Variants in KCNQ3 observed in about 807,000 individuals in gnomAD.
The protein encoded by KCNQ3 is potassium voltage-gated channel subfamily KQT member 3.
Under a neutral mutation model 92.5 loss-of-function variants are expected in KCNQ3, and 30 were observed. That is an observed-to-expected ratio of 0.32 (90% CI 0.24 to 0.44). KCNQ3 has a LOEUF of 0.44. Among genes scored for constraint, KCNQ3 ranks in the 20% least tolerant of loss-of-function variants. The probability of loss-of-function intolerance (pLI) is 1.00; values close to 1 mark genes in which losing one functional copy is unlikely to be tolerated. For synonymous variants in KCNQ3, 450 were observed against 468.8 expected, an observed-to-expected ratio of 0.96 and a Z score of 0.52; for missense variants, 913 against 1,140.3, an observed-to-expected ratio of 0.80 and a Z score of 2.87.
At chr8:132,268,506 G>C (rs1249320324) in intron 1 of KCNQ3, among the ~76,000 whole-genome samples, 3 of 152,106 alleles carry the variant, frequency 2.0e-5, no homozygotes, top group Non-Finnish European at 2.9e-5. Context: ...TAATCTGCCT[G>C]CCTCGGTCTC....
chr8:132,312,264 TGGCAGA>T (rs1463163579), intron 1 of KCNQ3, among the ~76,000 whole-genome samples: 3 of 152,250 alleles, frequency 2.0e-5, no homozygotes, highest in African/African-American at 2.4e-5. Context: ...TCTACTGCAC[TGGCAGA>T]GGCCCAGGGT....
intron 8 of KCNQ3, 30 bp downstream of exon 8, chr8:132,170,304 C>G: frequency 6.6e-7 from 1 of 1,514,290 alleles, no homozygotes; most frequent in Non-Finnish European, 9.2e-7. Context: ...GCTGGTCACG[C>G]CCTGAGCATT....
chr8:132,406,948 G>A (rs1820500836), intron 1 of KCNQ3, among the ~76,000 whole-genome samples: 1 of 152,228 alleles, frequency 6.6e-6, no homozygotes, highest in Admixed American at 6.5e-5. Flanking sequence ...GGAAAGTGAA[G>A]AAGTGGAGGG....
At chr8:132,433,732 G>A (rs904275483) in intron 1 of KCNQ3, among the ~76,000 whole-genome samples, 11 of 151,270 alleles carry the variant, frequency 7.3e-5, no homozygotes, top group Admixed American at 4.6e-4. Context: ...TCTACTAAAA[G>A]TACCAAAATT....
chr8:132,440,738 C>A (rs539193984), intron 1 of KCNQ3, among the ~76,000 whole-genome samples: 1 of 152,166 alleles, frequency 6.6e-6, no homozygotes, highest in African/African-American at 2.4e-5. Context: ...GGTTACTAAC[C>A]CCTTGAAGTC....
intron 9 of KCNQ3, among the ~76,000 whole-genome samples, chr8:132,153,736 C>A (rs1825706414): frequency 6.6e-5 from 2 of 30,082 alleles, no homozygotes; most frequent in South Asian, 7.8e-4. Context: ...CCCCGCAAGC[C>A]CCCCCCCCAT....
intron 1 of KCNQ3, among the ~76,000 whole-genome samples, chr8:132,473,235 A>G (rs1022876686): frequency 2.0e-5 from 3 of 152,044 alleles, no homozygotes; most frequent in Admixed American, 1.3e-4. Flanking sequence ...GAGAAAGAAT[A>G]AAATACATGG....
rs1219107293 is a variant in KCNQ3 at position 132,147,476 on chromosome 8, G to A, written c.1263-6145C>T. On this transcript the variant is annotated intron_variant, in intron 9 of 14. Transcript: ENST00000388996. ...CGTGTCAAGTAAGAAGTTGGTGACT[G>A]TGTCTTTTTTATTCATTGCTATATT... Among the ~76,000 whole-genome samples the A allele has an allele frequency of 9.9e-5, 15 of 152,196 alleles. No individual in the cohort carries two copies. The East Asian group carries it at 2.9e-3, about 29-fold the overall frequency.
At chr8:132,384,727 A>T (rs1358553920) in intron 1 of KCNQ3, among the ~76,000 whole-genome samples, 1 of 152,230 alleles carries the variant, frequency 6.6e-6, no homozygotes, top group African/African-American at 2.4e-5. Flanking sequence ...TAACTTTCTG[A>T]TCGATAGAAG....
At chr8:132,392,114 C>G (rs975841889) in intron 1 of KCNQ3, among the ~76,000 whole-genome samples, 3 of 152,302 alleles carry the variant, frequency 2.0e-5, no homozygotes, top group Admixed American at 6.5e-5. Context: ...GGCCTCCCCC[C>G]TGGAGAAACA....
chr8:132,187,618 A>G (rs1025133953), intron 1 of KCNQ3, among the ~76,000 whole-genome samples: 1 of 150,688 alleles, frequency 6.6e-6, no homozygotes, highest in African/African-American at 2.4e-5. Flanking sequence ...TCAGTTGACG[A>G]TGATGATGGT....
At chr8:132,283,873 C>G (rs1356483335) in intron 1 of KCNQ3, among the ~76,000 whole-genome samples, 3 of 152,182 alleles carry the variant, frequency 2.0e-5, no homozygotes, top group Non-Finnish European at 4.4e-5. Context: ...CTAGCAAGAT[C>G]AGGATTGGAA....
At chr8:132,413,944 G>T (rs1405064051) in intron 1 of KCNQ3, among the ~76,000 whole-genome samples, 1 of 152,146 alleles carries the variant, frequency 6.6e-6, no homozygotes, top group Non-Finnish European at 1.5e-5. Context: ...AGCTGCTTTG[G>T]GAGCAAAGGA....
intron 1 of KCNQ3, among the ~76,000 whole-genome samples, chr8:132,406,169 G>T (rs1001968762): frequency 1.3e-5 from 2 of 152,226 alleles, no homozygotes; most frequent in African/African-American, 4.8e-5. Context: ...CCCAGGTATT[G>T]CCTGGATACT....
At chr8:132,430,166 T>C (rs900089372) in intron 1 of KCNQ3, among the ~76,000 whole-genome samples, 4 of 152,178 alleles carry the variant, frequency 2.6e-5, no homozygotes. Context: ...TTATGTTTAG[T>C]GTGTGCTTTA....
chr8:132,255,252 T>C (rs931502655), intron 1 of KCNQ3, among the ~76,000 whole-genome samples: 2 of 152,094 alleles, frequency 1.3e-5, no homozygotes, highest in African/African-American at 4.8e-5. Flanking sequence ...AGTTGGTCTG[T>C]CTGGTGATTC....
chr8:132,438,196 C>A (rs1421057618), intron 1 of KCNQ3, among the ~76,000 whole-genome samples: 3 of 152,180 alleles, frequency 2.0e-5, no homozygotes, highest in Non-Finnish European at 4.4e-5. Flanking sequence ...ATGAGAAATA[C>A]ATTCAGGAAA....
chr8:132,156,866 G>C (rs546707696), intron 9 of KCNQ3, among the ~76,000 whole-genome samples: 2 of 152,162 alleles, frequency 1.3e-5, no homozygotes, highest in Non-Finnish European at 2.9e-5. Context: ...CTTTATAAGA[G>C]AAATGAGAGG....
chr8:132,460,155 G>A (rs962110899), intron 1 of KCNQ3, among the ~76,000 whole-genome samples: 1 of 152,018 alleles, frequency 6.6e-6, no homozygotes, highest in South Asian at 2.1e-4. Flanking sequence ...CATTTATTCA[G>A]GGATCCCTGT....
Sources: gnomAD v4.1 joint callset for allele counts (sites outside exome capture counted in the v4.1 genomes callset) on GRCh38, gnomAD v4.1.1 for gene constraint, MANE v1.5 for transcripts, NCBI Gene and HGNC (gene_info 2026-07-23, HGNC 2026-07-21) for gene names.